The following CALN1 variants were observed in gnomAD, a reference collection of about 807,000 sequenced individuals.
The protein encoded by CALN1 is calneuron 1.
A neutral mutation model predicts 30.6 loss-of-function variants in CALN1; 17 were observed. That is an observed-to-expected ratio of 0.56 (90% confidence interval 0.38 to 0.83). The LOEUF is 0.83. Ranked by LOEUF, CALN1 falls within the 40% of genes least tolerant of loss-of-function variation. The pLI is 0.00. For missense variants in CALN1, 291 were observed against 354.9 expected (o/e 0.82, Z 1.45); for synonymous variants, 156 against 131.4 (o/e 1.19, Z -1.28).
At chr7:72,500,559 C>T in the CALN1 span, among the ~76,000 whole-genome samples, 7 of 151,876 alleles carry the variant, frequency 4.6e-5, no homozygotes, top group East Asian at 1.9e-4. Flanking sequence ...GGATTACAGG[C>T]GTGAGCCACC....
intron 5 of CALN1, among the ~76,000 whole-genome samples, chr7:71,938,496 A>G (rs867923715): frequency 1.8e-4 from 27 of 152,162 alleles, no homozygotes; most frequent in Middle Eastern, 3.4e-3. Context: ...TGAGAGGAGC[A>G]TTATAAAAAC....
At chr7:71,999,541 T>A (rs541562311) in intron 5 of CALN1, among the ~76,000 whole-genome samples, 20 of 151,454 alleles carry the variant, frequency 1.3e-4, no homozygotes, top group African/African-American at 4.8e-4. Flanking sequence ...TGAGTTGGAA[T>A]CTCACTCTGT....
intron 5 of CALN1, among the ~76,000 whole-genome samples, chr7:71,862,996 C>T (rs554635965): frequency 1.3e-4 from 19 of 151,800 alleles, no homozygotes; most frequent in South Asian, 4.2e-4. Context: ...TGGTGGCTCA[C>T]GCCTATAATC....
At chr7:72,498,633 T>C in the CALN1 span, among the ~76,000 whole-genome samples, 7 of 152,150 alleles carry the variant, frequency 4.6e-5, no homozygotes, top group Non-Finnish European at 8.8e-5. Flanking sequence ...TAAATTCAGT[T>C]GAGATCATTT....
At position 72,007,311 on chromosome 7, in the gene CALN1, C is replaced by T. The variant is rs570425428; in HGVS notation, c.501+16346G>A. On this transcript the variant is annotated intron_variant, in intron 5 of 6. Transcript: ENST00000395275. ...TTGCAATCCCAGCACTTTGGTAGGC[C>T]GAAGTGGGCAGATTACCTGAGGTTA... 5.9e-5 allele frequency among the ~76,000 whole-genome samples: 9 copies of T among 152,262 alleles called. No homozygotes were observed. In the East Asian group the frequency reaches 7.7e-4, roughly 13 times the overall value.
chr7:72,002,984 T>C (rs1028636659), intron 5 of CALN1, among the ~76,000 whole-genome samples: 6 of 152,206 alleles, frequency 3.9e-5, no homozygotes, highest in African/African-American at 1.4e-4. Context: ...TTATATAATA[T>C]GGTGGCTATA....
At chr7:72,449,731 C>T (rs1312289623), upstream of CALN1, among the ~76,000 whole-genome samples, 3 of 151,792 alleles carry the variant, frequency 2.0e-5, no homozygotes, top group Admixed American at 6.6e-5. Context: ...AAAAATTAGC[C>T]GGGCATGGTG....
At chr7:71,832,957 G>A (rs559599879) in intron 5 of CALN1, among the ~76,000 whole-genome samples, 31 of 152,084 alleles carry the variant, frequency 2.0e-4, no homozygotes, top group Admixed American at 1.6e-3. Flanking sequence ...TGTCCTGCCC[G>A]CGATGTCTTG....
intron 4 of CALN1, among the ~76,000 whole-genome samples, chr7:72,050,357 T>A (rs1054957602): frequency 4.6e-5 from 7 of 152,074 alleles, no homozygotes; most frequent in Non-Finnish European, 1.0e-4. Context: ...ACAGATAATA[T>A]ACAGAATGCT....
chr7:72,319,974 T>G (rs1800758345), intron 2 of CALN1, among the ~76,000 whole-genome samples: 1 of 151,982 alleles, frequency 6.6e-6, no homozygotes, highest in Admixed American at 6.6e-5. Context: ...GCCAACATGG[T>G]GAAACCCAGA....
At chr7:71,902,269 CA>C (rs78143653) in intron 5 of CALN1, among the ~76,000 whole-genome samples, 63 of 65,152 alleles carry the variant, frequency 9.7e-4, no homozygotes, top group East Asian at 3.7e-3. Flanking sequence ...ACCAACCAAT[CA>C]AAAAAAAAAA....
chr7:71,917,338 G>C (rs1032308413), intron 5 of CALN1, among the ~76,000 whole-genome samples: 6 of 152,140 alleles, frequency 3.9e-5, no homozygotes, highest in Admixed American at 2.6e-4. Flanking sequence ...GTATGTTCTA[G>C]AGGTCTAATA....
intron 2 of CALN1, among the ~76,000 whole-genome samples, chr7:72,399,874 G>C (rs775200189): frequency 5.9e-5 from 9 of 152,282 alleles, no homozygotes; most frequent in Non-Finnish European, 1.3e-4. Context: ...CCCTTCCTGT[G>C]ATAATGAGTG....
At chr7:72,251,496 C>A (rs549708358) in intron 3 of CALN1, among the ~76,000 whole-genome samples, 4 of 152,144 alleles carry the variant, frequency 2.6e-5, no homozygotes, top group Admixed American at 2.6e-4. Flanking sequence ...CCTCCCTGGG[C>A]TTAAGCAGTC....
At chr7:72,109,331 C>T (rs796079502) in intron 3 of CALN1, among the ~76,000 whole-genome samples, 14 of 152,226 alleles carry the variant, frequency 9.2e-5, no homozygotes, top group African/African-American at 2.9e-4. Context: ...TTTGTTCATG[C>T]GTAAAATGAG....
intron 5 of CALN1, among the ~76,000 whole-genome samples, chr7:71,965,792 G>A (rs1797501117): frequency 2.0e-5 from 3 of 152,212 alleles, no homozygotes; most frequent in South Asian, 4.2e-4. Context: ...ATGTTCTGGG[G>A]CATAAAAAGA....
At chr7:72,433,938 G>A (rs115080483) in intron 1 of CALN1, among the ~76,000 whole-genome samples, 2,264 of 151,994 alleles carry the variant, frequency 0.015, 52 homozygotes, top group African/African-American at 0.051. Context: ...GCACACACCT[G>A]TAGTCTCAGC....
intron 6 of CALN1, among the ~76,000 whole-genome samples, chr7:71,791,187 G>A (rs1270792937): frequency 6.6e-6 from 1 of 152,138 alleles, no homozygotes; most frequent in Non-Finnish European, 1.5e-5. Context: ...TCTTTTTTAT[G>A]GCTGTGTAGT....
intron 6 of CALN1, among the ~76,000 whole-genome samples, chr7:71,794,837 G>A (rs146657084): frequency 3.7e-4 from 56 of 151,774 alleles, no homozygotes; most frequent in African/African-American, 1.3e-3. Context: ...TTCCCTTCCT[G>A]CAAAGGCCCC....
Sources: gnomAD v4.1 joint callset for allele counts (sites outside exome capture counted in the v4.1 genomes callset) on GRCh38, gnomAD v4.1.1 for gene constraint, MANE v1.5 for transcripts, NCBI Gene and HGNC (gene_info 2026-07-23, HGNC 2026-07-21) for gene names.